ATRN: variants seen among roughly 807,000 people sequenced by gnomAD.
ATRN encodes the protein attractin-2.
A neutral mutation model predicts 178.7 loss-of-function variants in ATRN; 54 were observed. That is an observed-to-expected ratio of 0.30 (90% CI 0.24 to 0.38). The LOEUF (loss-of-function observed/expected upper bound fraction) is 0.38. Ranked by LOEUF, ATRN falls within the 10% of genes least tolerant of loss-of-function variation. ATRN has a pLI of 1.00. For missense variants in ATRN, 1,443 were observed against 1,815.1 expected, an observed-to-expected ratio of 0.79 and a Z score of 3.73; for synonymous variants, 636 against 663.0, an observed-to-expected ratio of 0.96 and a Z score of 0.63.
At chr20:3,527,831 C>G (rs753120895) in intron 1 of ATRN, among the ~76,000 whole-genome samples, 13 of 150,932 alleles carry the variant, frequency 8.6e-5, no homozygotes, top group Non-Finnish European at 1.6e-4. Flanking sequence ...CAAAACCAAA[C>G]ATTGCATGTT....
chr20:3,607,599 A>G (rs1313022590), intron 24 of ATRN, among the ~76,000 whole-genome samples: 3 of 152,246 alleles, frequency 2.0e-5, no homozygotes, highest in Non-Finnish European at 4.4e-5. Flanking sequence ...AATATATACA[A>G]CATTTTATTT....
At chr20:3,577,215 C>G (rs1409217256) in intron 14 of ATRN, among the ~76,000 whole-genome samples, 1 of 152,164 alleles carries the variant, frequency 6.6e-6, no homozygotes, top group African/African-American at 2.4e-5. Context: ...ACATCCTTTG[C>G]TGCTCTGTAG....
At position 3,579,687 on chromosome 20, in the gene ATRN, A is replaced by G. The variant is rs372679999; in HGVS notation, c.2544+915A>G. Among the ~76,000 whole-genome samples, 15 of 152,226 alleles carry G rather than the reference A, an allele frequency of 9.9e-5. No individual in the cohort carries two copies. The East Asian group carries it at 2.9e-3, about 29-fold the overall frequency. Reference sequence around the variant, plus strand: ...TCACATTTTGTCATTTTTAGTCTGGAGTCATAAATTGTGATCCTACCGTCA... The same window carrying G: ...TCACATTTTGTCATTTTTAGTCTGGGGTCATAAATTGTGATCCTACCGTCA... On this transcript the variant is annotated intron_variant, in intron 15 of 28. Coordinates refer to ENST00000262919, the MANE Select transcript of ATRN (RefSeq NM_139321.3).
chr20:3,586,217 G>A (rs2086355113), intron 18 of ATRN, among the ~76,000 whole-genome samples: 1 of 152,184 alleles, frequency 6.6e-6, no homozygotes, highest in Non-Finnish European at 1.5e-5. Flanking sequence ...TGAACAAAGT[G>A]TTGTATATTC....
chr20:3,520,069 T>C (rs544586262), intron 1 of ATRN, among the ~76,000 whole-genome samples: 1 of 152,344 alleles, frequency 6.6e-6, no homozygotes, highest in East Asian at 1.9e-4. Context: ...CTTGTTTTTA[T>C]GTTTAAAATT....
chr20:3,608,734 A>C (rs537941037), intron 24 of ATRN, among the ~76,000 whole-genome samples: 7 of 152,276 alleles, frequency 4.6e-5, no homozygotes, highest in African/African-American at 1.7e-4. Flanking sequence ...TGGGAGGCCG[A>C]GGCTGGTGGA....
intron 1 of ATRN, among the ~76,000 whole-genome samples, chr20:3,500,816 C>T (rs972631630): frequency 1.3e-5 from 2 of 150,542 alleles, no homozygotes; most frequent in Non-Finnish European, 3.0e-5. Flanking sequence ...TGCACATGTA[C>T]CCTAAAACTT....
intron 1 of ATRN, among the ~76,000 whole-genome samples, chr20:3,524,872 C>T (rs931757439): frequency 1.1e-4 from 17 of 152,100 alleles, no homozygotes; most frequent in African/African-American, 3.4e-4. Context: ...AACAAAGACA[C>T]GACATACCAG....
intron 10 of ATRN, among the ~76,000 whole-genome samples, chr20:3,563,577 C>G (rs2085985434): frequency 6.6e-6 from 1 of 152,160 alleles, no homozygotes; most frequent in East Asian, 1.9e-4. Context: ...CTGTTAATTG[C>G]TTGAATGCTA....
intron 28 of ATRN, among the ~76,000 whole-genome samples, chr20:3,646,174 T>C (rs1438360434): frequency 6.6e-6 from 1 of 152,182 alleles, no homozygotes; most frequent in Non-Finnish European, 1.5e-5. Context: ...GAACCTTGCT[T>C]ATTCCAAAGC....
Position 3,471,286 on chromosome 20 carries a change from G to GGCT in ATRN, c.193_195dup (p.Leu68dup), listed in dbSNP as rs774052205. 1.0e-5 allele frequency: 15 copies of GGCT among 1,469,730 alleles called. No homozygotes were observed. Among genetic ancestry groups the GGCT allele is most frequent in the South Asian group, 1.3e-5 (1 of 75,420 alleles). The allele number at this position is 1,469,730 out of a possible 1,614,324, so 91.0% of individuals were successfully genotyped here. On this transcript the variant is annotated inframe_insertion, in exon 1 of 29. Coordinates refer to ENST00000262919, the MANE Select transcript of ATRN (RefSeq NM_139321.3). The stretch of plus-strand genomic sequence containing the variant: ...CTGCTGTCTCCACCGCTGCGGCCAC[G>GGCT]GCTGCTGCTGCTGCTGTTGTTGCTC...
intron 6 of ATRN, among the ~76,000 whole-genome samples, chr20:3,558,651 G>T (rs1341045238): frequency 2.0e-5 from 3 of 151,320 alleles, no homozygotes; most frequent in Non-Finnish European, 4.4e-5. Context: ...TTTATTTCTA[G>T]ATCATGGAAT....
At chr20:3,624,440 T>G in intron 24 of ATRN, 71 bp from the exon 25 acceptor site, 2 of 1,328,636 alleles carry the variant, frequency 1.5e-6, no homozygotes, top group Non-Finnish European at 2.1e-6. Flanking sequence ...GCTTAACTCT[T>G]GAAATGAGAA....
Position 3,471,516 on chromosome 20 carries a change from A to G in ATRN, c.409A>G (p.Arg137Gly). 7.2e-7 allele frequency: 1 copy of G among 1,396,204 alleles called. No individual in the cohort carries two copies. Among genetic ancestry groups the G allele is most frequent in the Non-Finnish European group, 9.2e-7 (1 of 1,083,066 alleles). The allele number at this position is 1,396,204 out of a possible 1,614,324, so 86.5% of individuals were successfully genotyped here. A position where few individuals can be genotyped will look rare whatever the true frequency, so the allele number is the denominator to read the frequency against. ...EQCQHCGGRF[R>G]LTGSSGFVTD... ...ATGCCAGCACTGCGGGGGCCGCTTC[A>G]GGTGAGTGGCGGGTGGTGTCGGAGG... is the stretch of plus-strand genomic sequence containing the variant. The change falls in exon 1 of 29, where the codon AGA (arginine) becomes GGA (glycine). Residue 137 changes from arginine (R) to glycine (G), a missense_variant and splice_region_variant. Transcript: ENST00000262919.
chr20:3,537,898 A>C (rs151520), intron 2 of ATRN, among the ~76,000 whole-genome samples: 1 of 150,800 alleles, frequency 6.6e-6, no homozygotes, highest in Non-Finnish European at 1.5e-5. Flanking sequence ...CATTTTCTTT[A>C]TTTTATTTTA....
chr20:3,628,726 A>G (rs528991153), intron 25 of ATRN, among the ~76,000 whole-genome samples: 4 of 151,744 alleles, frequency 2.6e-5, no homozygotes, highest in Non-Finnish European at 5.9e-5. Flanking sequence ...GCCAAATCCA[A>G]AGGATACTTT....
intron 24 of ATRN, among the ~76,000 whole-genome samples, chr20:3,620,521 G>A (rs2086889030): frequency 7.0e-6 from 1 of 142,174 alleles, no homozygotes; most frequent in Admixed American, 6.9e-5. Flanking sequence ...ACTGGGATTA[G>A]GCGTGAGCCA....
chr20:3,610,192 C>T (rs2086742551), intron 24 of ATRN, among the ~76,000 whole-genome samples: 1 of 152,050 alleles, frequency 6.6e-6, no homozygotes, highest in Admixed American at 6.6e-5. Context: ...CAAGCTTATT[C>T]TGAAATTTAT....
intron 2 of ATRN, 45 bp from the exon 3 acceptor site, chr20:3,540,177 A>G (rs1380229549): frequency 9.1e-6 from 10 of 1,101,688 alleles, no homozygotes; most frequent in Non-Finnish European, 1.3e-5. Flanking sequence ...AATGTCTGAT[A>G]GTTGTGATAA....
Sources: gnomAD v4.1 joint callset for allele counts (sites outside exome capture counted in the v4.1 genomes callset) on GRCh38, gnomAD v4.1.1 for gene constraint, MANE v1.5 for transcripts, NCBI Gene and HGNC (gene_info 2026-07-23, HGNC 2026-07-21) for gene names.